The following SLC27A6 variants were observed in gnomAD, a reference collection of about 807,000 sequenced individuals.
SLC27A6 encodes the protein long-chain fatty acid transport protein 6.
Under a neutral mutation model 63.9 loss-of-function variants are expected in SLC27A6, and 74 were observed. The ratio of observed to expected loss-of-function variants is 1.16; its 90% CI spans 0.96 to 1.40. The LOEUF is 1.40. SLC27A6 is among the 40% of genes most tolerant of loss of function. SLC27A6 has a pLI of 0.00. For missense variants in SLC27A6, 794 were observed against 732.9 expected (o/e 1.08, Z -0.96); for synonymous variants, 287 against 260.8 (o/e 1.10, Z -0.97).
intron 1 of SLC27A6, among the ~76,000 whole-genome samples, chr5:128,980,312 A>T (rs1468571826): frequency 6.6e-6 from 1 of 152,234 alleles, no homozygotes; most frequent in South Asian, 2.1e-4. Context: ...CAACAACTGT[A>T]TAAGTTGTAT....
chr5:128,990,800 G>A (rs943854779), intron 4 of SLC27A6, among the ~76,000 whole-genome samples: 4 of 152,202 alleles, frequency 2.6e-5, no homozygotes, highest in Non-Finnish European at 5.9e-5. Flanking sequence ...GGATTAGGAC[G>A]AACCTGGGCA....
chr5:129,030,407 T>C (rs1308883014), intron 9 of SLC27A6, among the ~76,000 whole-genome samples: 1 of 152,018 alleles, frequency 6.6e-6, no homozygotes, highest in African/African-American at 2.4e-5. Flanking sequence ...TGAATACATT[T>C]GTTATTTCAC....
At chr5:129,031,386 AG>A (rs1199879837) in intron 9 of SLC27A6, among the ~76,000 whole-genome samples, 1 of 152,038 alleles carries the variant, frequency 6.6e-6, no homozygotes, top group Non-Finnish European at 1.5e-5. Context: ...AAATGGAAGA[AG>A]CCTTTTTGCC....
intron 9 of SLC27A6, among the ~76,000 whole-genome samples, chr5:129,032,896 T>C (rs1030155102): frequency 6.6e-6 from 1 of 151,952 alleles, no homozygotes; most frequent in Non-Finnish European, 1.5e-5. Flanking sequence ...TTGAATGAGT[T>C]TATATTTAAG....
In SLC27A6 at chr5:129,028,340, T is replaced by C. The variant is rs1752312232; in HGVS notation, c.1455-5T>C. 1 of 1,595,282 alleles carries C rather than the reference T, an allele frequency of 6.3e-7. No individual in the cohort carries two copies. Among genetic ancestry groups the C allele is most frequent in the Non-Finnish European group, 8.6e-7 (1 of 1,164,544 alleles). ...ACTAACTGGAATTTGATTTTTTTCATTTAGATGGAAAGGAGAAAATGTCGC... is the reference window on the plus strand; with the variant it reads ...ACTAACTGGAATTTGATTTTTTTCACTTAGATGGAAAGGAGAAAATGTCGC... On this transcript the variant is annotated splice_region_variant and splice_polypyrimidine_tract_variant and intron_variant, in intron 7 of 9. Transcript: ENST00000262462.
At position 128,990,321 on chromosome 5, in the gene SLC27A6, T is replaced by C; in HGVS notation, c.845-19T>C. 4 of 1,606,788 alleles carry C rather than the reference T, an allele frequency of 2.5e-6. No individual in the cohort carries two copies. The highest frequency in any genetic ancestry group is 3.4e-6 in the Non-Finnish European group (4 of 1,178,206). On this transcript the variant is annotated intron_variant, in intron 3 of 9. Coordinates refer to ENST00000262462, the MANE Select transcript of SLC27A6 (RefSeq NM_001017372.3). ...TTTGAATTTTTTTCCCTAGTGCCTG[T>C]TTTTGTCTTTTCTTATAGGTGCCAC...
At chr5:128,990,095 C>G (rs1210486024) in intron 3 of SLC27A6, among the ~76,000 whole-genome samples, 1 of 152,102 alleles carries the variant, frequency 6.6e-6, no homozygotes, top group African/African-American at 2.4e-5. Flanking sequence ...TTGACTGTTG[C>G]TTTTCTCCTG....
intron 5 of SLC27A6, among the ~76,000 whole-genome samples, chr5:129,020,493 T>TC (rs1752039896): frequency 6.6e-6 from 1 of 151,148 alleles, no homozygotes. Context: ...AAAATGGGAG[T>TC]GGGGGGGAGG....
chr5:129,008,612 A>G (rs900975025), intron 4 of SLC27A6, among the ~76,000 whole-genome samples: 1 of 152,212 alleles, frequency 6.6e-6, no homozygotes, highest in Non-Finnish European at 1.5e-5. Flanking sequence ...GCAGTGGAAA[A>G]TCCAAGAGCT....
chr5:129,022,103 A>G lies in SLC27A6; in HGVS notation c.1165-1517A>G, dbSNP rs574823438. ...TCTTTCTTTCTACTAGCCATTAGGC[A>G]AGTGGCCAATATCCTGTTATCCCAA... On this transcript the variant is annotated intron_variant, in intron 5 of 9. Coordinates refer to ENST00000262462, the MANE Select transcript of SLC27A6 (RefSeq NM_001017372.3). Among the ~76,000 whole-genome samples the G allele has an allele frequency of 1.5e-4, 23 of 152,326 alleles. No homozygotes were observed. In the East Asian group the frequency reaches 4.4e-3, roughly 29 times the overall value.
At chr5:129,031,469 GA>G (rs1179812536) in intron 9 of SLC27A6, among the ~76,000 whole-genome samples, 12 of 151,956 alleles carry the variant, frequency 7.9e-5, no homozygotes, top group Admixed American at 5.3e-4. Flanking sequence ...TCTGCTCATG[GA>G]ACCATAAATT....
intron 1 of SLC27A6, among the ~76,000 whole-genome samples, chr5:128,971,943 T>C (rs1750182171): frequency 6.6e-6 from 1 of 152,144 alleles, no homozygotes; most frequent in Non-Finnish European, 1.5e-5. Flanking sequence ...TAGGAGCGCT[T>C]GTAAGGCAGG....
chr5:129,033,076 A>G (rs1234560555), intron 9 of SLC27A6, 30 bp from the exon 10 acceptor site: 1 of 1,517,306 alleles, frequency 6.6e-7, no homozygotes, highest in Non-Finnish European at 9.0e-7. Context: ...TTATTAAATG[A>G]TTCTACTCAT....
chr5:129,003,114 T>C (rs1377415490), intron 4 of SLC27A6, among the ~76,000 whole-genome samples: 2 of 152,238 alleles, frequency 1.3e-5, no homozygotes, highest in African/African-American at 4.8e-5. Flanking sequence ...GATCTGTGTG[T>C]GTGCGTGTGC....
intron 1 of SLC27A6, among the ~76,000 whole-genome samples, chr5:128,972,978 A>G (rs1328313293): frequency 6.6e-6 from 1 of 152,116 alleles, no homozygotes; most frequent in Non-Finnish European, 1.5e-5. Flanking sequence ...GTTGGTGTTG[A>G]TGCTATTCCT....
At position 129,023,635 on chromosome 5, in the gene SLC27A6, G is replaced by A; in HGVS notation, c.1180G>A (p.Asp394Asn). The A allele has an allele frequency of 6.3e-7, 1 of 1,592,398 alleles. No homozygotes were observed. Among genetic ancestry groups the A allele is most frequent in the Non-Finnish European group, 8.5e-7 (1 of 1,169,696 alleles). Residue 394 changes from aspartate to asparagine, a missense_variant, in exon 6 of 10, where the codon GAC (aspartate) becomes AAC (asparagine). Physicochemically the swap from Asp to Asn is conservative, Grantham distance 23 (BLOSUM62 1). Coordinates refer to ENST00000262462, the MANE Select transcript of SLC27A6 (RefSeq NM_001017372.3). Reference sequence around the variant, plus strand: ...TTTTTTGCAGCTTCTTTCCACTTTTGACTTAATAAAGTATGACTTTCAGAA... The same window carrying A: ...TTTTTTGCAGCTTCTTTCCACTTTTAACTTAATAAAGTATGACTTTCAGAA... ...NLFYKLLSTFDLIKYDFQKDE... is the reference protein window; with the variant it reads ...NLFYKLLSTFNLIKYDFQKDE...
chr5:128,991,012 T>G (rs1750962389), intron 4 of SLC27A6, among the ~76,000 whole-genome samples: 1 of 151,866 alleles, frequency 6.6e-6, no homozygotes, highest in Admixed American at 6.6e-5. Context: ...ACCAGAAGAG[T>G]ATGCAGTTGC....
At chr5:128,990,315 T>C (rs1183727474) in intron 3 of SLC27A6, 25 bp from the exon 4 acceptor site, 2 of 1,605,384 alleles carry the variant, frequency 1.2e-6, no homozygotes, top group Admixed American at 1.7e-5. Flanking sequence ...TTTTCCCTAG[T>C]GCCTGTTTTT....
chr5:128,977,547 A>G (rs1037327289), intron 1 of SLC27A6, among the ~76,000 whole-genome samples: 1 of 152,164 alleles, frequency 6.6e-6, no homozygotes. Context: ...AGAAAGGAGG[A>G]AAAAGACAAA....
Sources: allele counts gnomAD v4.1 joint callset (sites outside exome capture counted in the v4.1 genomes callset), GRCh38; gene constraint gnomAD v4.1.1; transcripts MANE v1.5; gene names NCBI Gene and HGNC (gene_info 2026-07-23, HGNC 2026-07-21).